The following AMN variants were observed in gnomAD, a reference collection of about 807,000 sequenced individuals.
The protein encoded by AMN is protein amnionless.
Under a neutral mutation model 49.1 loss-of-function variants are expected in AMN, and 40 were observed. The observed-to-expected ratio is 0.81, with a 90% confidence interval of 0.63 to 1.06. The LOEUF is 1.06. AMN is among the 50% of genes least tolerant of loss of function. AMN has a pLI of 0.00. For missense variants in AMN, 701 were observed against 662.8 expected, an observed-to-expected ratio of 1.06 and a Z score of -0.63; for synonymous variants, 380 against 313.3, an observed-to-expected ratio of 1.21 and a Z score of -2.25.
At chr14:102,928,049 T>C (rs1406953475) in intron 3 of AMN, among the ~76,000 whole-genome samples, 2 of 152,140 alleles carry the variant, frequency 1.3e-5, no homozygotes, top group African/African-American at 2.4e-5. Context: ...CTGGGAGCCC[T>C]GGGCCTGTGC....
chr14:102,923,884 G>A lies in AMN; in HGVS notation c.163-51G>A, dbSNP rs747197642. The A allele has an allele frequency of 2.5e-6, 4 of 1,612,910 alleles. No homozygotes were observed. The South Asian group carries it at 3.3e-5, about 13-fold the overall frequency. ...TGGGCCTGGACCCCTGAGACCGTGT[G>A]GCCCCGGTGGGGGTTGCTCCCGGCT... is the stretch of plus-strand genomic sequence containing the variant. On this transcript the variant is annotated intron_variant, in intron 2 of 11. Coordinates refer to ENST00000299155, the MANE Select transcript of AMN (RefSeq NM_030943.4).
At chr14:102,923,552 C>T in intron 1 of AMN, 159 bp from the exon 2 acceptor site, 2 of 723,078 alleles carry the variant, frequency 2.8e-6, no homozygotes, top group Non-Finnish European at 4.9e-6. Flanking sequence ...ACAGTCTGGC[C>T]GGGAGGGACC....
intron 1 of AMN, 94 bp downstream of exon 1, chr14:102,922,825 C>T (rs1318660880): frequency 2.1e-5 from 31 of 1,486,156 alleles, no homozygotes; most frequent in Admixed American, 1.6e-4. Context: ...TGAAGATCTT[C>T]CGAGGAGTGG....
Position 102,928,803 on chromosome 14 carries a change from A to G in AMN, c.341A>G (p.Asp114Gly), listed in dbSNP as rs764493431. 4 of 1,607,794 alleles carry G rather than the reference A, an allele frequency of 2.5e-6. No homozygotes were observed. The highest frequency in any genetic ancestry group is 8.5e-7 in the Non-Finnish European group (1 of 1,179,780). The change falls in exon 5 of 12, where the codon GAC becomes GGC. Residue 114 changes from aspartate (D) to glycine (G), a missense_variant. Coordinates refer to ENST00000299155, the MANE Select transcript of AMN (RefSeq NM_030943.4). ...GACTCTGACCGCTTCTCCTGGCATG[A>G]CCCGCACCTGTGGCGCTCTGGGGAC... ...FRDSDRFSWH[D>G]PHLWRSGDEA...
chr14:102,923,798 CCGG>C lies in AMN; in HGVS notation c.137_139del (p.Gly46del), dbSNP rs759251270. 7.4e-6 allele frequency: 12 copies of C among 1,612,568 alleles called. No homozygotes were observed. The highest frequency in any genetic ancestry group is 2.7e-5 in the African/African-American group (2 of 74,930). On this transcript the variant is annotated inframe_deletion, in exon 2 of 12. Coordinates refer to ENST00000299155, the MANE Select transcript of AMN (RefSeq NM_030943.4). The stretch of plus-strand genomic sequence containing the variant: ...TGGAGCCAGAACCGGACCCCGTGCG[CCGG>C]CGGCGCCGTTGAGTTCCCGGCGGAC...
At position 102,923,758 on chromosome 14, in the gene AMN, G is replaced by A. The variant is rs774714587; in HGVS notation, c.91G>A (p.Asp31Asn). ...ACTCTGGGTCCCCAACACGGACTTC[G>A]ACGTCGCAGCCAACTGGAGCCAGAA... ...SKLWVPNTDFDVAANWSQNRT... is the reference protein window; with the variant it reads ...SKLWVPNTDFNVAANWSQNRT... The change falls in exon 2 of 12, where the codon GAC (aspartate) becomes AAC (asparagine). Residue 31 changes from aspartate (D) to asparagine (N), a missense_variant. Physicochemically the swap from Asp to Asn is conservative, Grantham distance 23. Transcript: ENST00000299155. 1.9e-6 allele frequency: 3 copies of A among 1,612,796 alleles called. No individual in the cohort carries two copies. Among genetic ancestry groups the A allele is most frequent in the East Asian group, 2.2e-5 (1 of 44,874 alleles).
chr14:102,924,090 G>A (rs1413128481), intron 3 of AMN, 111 bp downstream of exon 3: 4 of 1,478,326 alleles, frequency 2.7e-6, no homozygotes, highest in Non-Finnish European at 3.8e-6. Flanking sequence ...AGGCACTGCA[G>A]GACTGGGACT....
Position 102,928,839 on chromosome 14 carries a change from G to T in AMN, c.377G>T (p.Gly126Val). The change falls in exon 5 of 12, where the codon GGC becomes GTC. Residue 126 changes from glycine (G) to valine (V), a missense_variant. Physicochemically the swap from Gly to Val is moderately radical, Grantham distance 109. Coordinates refer to ENST00000299155, the MANE Select transcript of AMN (RefSeq NM_030943.4). Reference sequence around the variant, plus strand: ...TGGCGCTCTGGGGACGAGGCACCTGGCCTCTTCTTCGTGGACGCCGAGCGC... The same window carrying T: ...TGGCGCTCTGGGGACGAGGCACCTGTCCTCTTCTTCGTGGACGCCGAGCGC... ...HLWRSGDEAP[G>V]LFFVDAERVP... The T allele has an allele frequency of 6.2e-7, 1 of 1,606,224 alleles. No individual in the cohort carries two copies. The highest frequency in any genetic ancestry group is 8.5e-7 in the Non-Finnish European group (1 of 1,179,858).
chr14:102,922,863 C>T (rs1891089971), intron 1 of AMN, 132 bp downstream of exon 1: 5 of 1,279,432 alleles, frequency 3.9e-6, no homozygotes, highest in African/African-American at 1.5e-5. Flanking sequence ...GGGTTGGGGG[C>T]GTGAAACTCG....
At chr14:102,929,824 C>A in intron 8 of AMN, 87 bp downstream of exon 8, 1 of 1,541,672 alleles carries the variant, frequency 6.5e-7, no homozygotes, top group Non-Finnish European at 8.8e-7. Flanking sequence ...AGGGTCCCTG[C>A]GGCTGCTCAC....
intron 7 of AMN, 37 bp from the exon 8 acceptor site, chr14:102,929,618 C>G (rs1595434085): frequency 1.9e-6 from 3 of 1,548,002 alleles, no homozygotes; most frequent in South Asian, 1.2e-5. Flanking sequence ...CTGCCGGGCC[C>G]GGATCCACGG....
At chr14:102,927,535 G>A (rs1020346571) in intron 3 of AMN, among the ~76,000 whole-genome samples, 3 of 152,232 alleles carry the variant, frequency 2.0e-5, no homozygotes, top group Non-Finnish European at 4.4e-5. Context: ...AGGTGTGCAC[G>A]GAACTGAAGT....
At chr14:102,929,841 ACTAT>A in intron 8 of AMN, 79 bp from the exon 9 acceptor site, 1 of 1,543,544 alleles carries the variant, frequency 6.5e-7, no homozygotes, top group East Asian at 2.5e-5. Context: ...TCACTTGCCC[ACTAT>A]CTGCCTCTGC....
intron 1 of AMN, chr14:102,923,043 C>G (rs1595429903): frequency 2.6e-6 from 1 of 380,898 alleles, no homozygotes; most frequent in East Asian, 5.3e-5. Context: ...TCCCCAGAAC[C>G]TGCCGAGAGC....
intron 3 of AMN, among the ~76,000 whole-genome samples, chr14:102,926,201 C>T (rs1310762780): frequency 6.6e-6 from 1 of 152,230 alleles, no homozygotes; most frequent in East Asian, 1.9e-4. Flanking sequence ...TTTTCTGTTT[C>T]GTTTGAGAAT....
Position 102,928,515 on chromosome 14 carries a change from T to G in AMN, c.295+2T>G, listed in dbSNP as rs1595433039. ...GCTCGCACCTGGACTGTGGCGCGGG[T>G]GAGGCGGTCGGGCAGGGGCGGGGCT... On this transcript the variant is annotated splice_donor_variant, in intron 4 of 11. Transcript: ENST00000299155. LOFTEE classifies it high-confidence loss of function. The G allele has an allele frequency of 6.2e-7, 1 of 1,602,578 alleles. No individual in the cohort carries two copies. Among genetic ancestry groups the G allele is most frequent in the Admixed American group, 1.7e-5 (1 of 59,574 alleles).
Position 102,930,324 on chromosome 14 carries a change from T to G in AMN, c.1166T>G (p.Leu389Arg), listed in dbSNP as rs935386915. 1.4e-6 allele frequency: 2 copies of G among 1,390,824 alleles called. No individual in the cohort carries two copies. Among genetic ancestry groups the G allele is most frequent in the African/African-American group, 1.5e-5 (1 of 65,650 alleles). 86.2% of individuals were successfully genotyped at this position (1,390,824 alleles called of 1,614,324 possible). A position where few individuals can be genotyped will look rare whatever the true frequency, so the allele number is the denominator to read the frequency against. ...CCGCTGCTGCGCCGCGCGGGGAGGC[T>G]CAGGTACGCGGGGCGGGGGCGCGGA... ...APPLLRRAGRLRWRRHEAAAP... is the reference protein window; with the variant it reads ...APPLLRRAGRRRWRRHEAAAP... Residue 389 changes from leucine (L) to arginine (R), a missense_variant, in exon 10 of 12, where the codon CTC becomes CGC. Coordinates refer to ENST00000299155, the MANE Select transcript of AMN (RefSeq NM_030943.4).
chr14:102,929,201 G>A lies in AMN; in HGVS notation c.594G>A (p.Leu198=). 4 of 1,587,056 alleles carry A rather than the reference G, an allele frequency of 2.5e-6. No individual in the cohort carries two copies. Among genetic ancestry groups the A allele is most frequent in the Non-Finnish European group, 3.4e-6 (4 of 1,174,620 alleles). The part of the protein sequence containing the change: ...GRLRFHGPGA[L]SVGPEDCADP... ...TACGCTTCCACGGGCCGGGCGCGCT[G>A]AGCGTGGGCCCCGAGGACTGCGCGG... Residue 198 remains leucine (L), a synonymous_variant, in exon 6 of 12, where the codon CTG becomes CTA. Coordinates refer to ENST00000299155, the MANE Select transcript of AMN (RefSeq NM_030943.4).
At chr14:102,923,463 G>C (rs1453456987) in intron 1 of AMN, 1 of 518,782 alleles carries the variant, frequency 1.9e-6, no homozygotes, top group Non-Finnish European at 3.5e-6. Context: ...TATCTAGGCA[G>C]GCGTCCTGCA....
Sources: gnomAD v4.1 joint callset for allele counts (sites outside exome capture counted in the v4.1 genomes callset) on GRCh38, gnomAD v4.1.1 for gene constraint, MANE v1.5 for transcripts, NCBI Gene and HGNC (gene_info 2026-07-23, HGNC 2026-07-21) for gene names.